The following COG3 variants were observed in gnomAD, a reference collection of about 807,000 sequenced individuals.
COG3 encodes conserved oligomeric Golgi complex subunit 3.
In COG3, 32 loss-of-function variants were observed where a neutral mutation model predicts 114.1. The ratio of observed to expected loss-of-function variants is 0.28; its 90% CI spans 0.21 to 0.38. The LOEUF is 0.38. COG3 is among the 10% of genes least tolerant of loss of function. COG3 has a pLI of 1.00. For missense variants in COG3, 813 were observed against 973.2 expected, an observed-to-expected ratio of 0.84 and a Z score of 2.19; for synonymous variants, 352 against 365.7, an observed-to-expected ratio of 0.96 and a Z score of 0.43.
chr13:45,533,355 C>G (rs1444332724), intron 22 of COG3, among the ~76,000 whole-genome samples: 1 of 152,066 alleles, frequency 6.6e-6, no homozygotes, highest in African/African-American at 2.4e-5. Flanking sequence ...AGAAAAGGTG[C>G]AAGAATAGTG....
chr13:45,488,174 G>T (rs1485831057), intron 8 of COG3, among the ~76,000 whole-genome samples: 3 of 152,128 alleles, frequency 2.0e-5, no homozygotes, highest in Admixed American at 6.5e-5. Context: ...AACTAAAAAA[G>T]TTGGTCTTGT....
At position 45,527,643 on chromosome 13, in the gene COG3, T is replaced by C. The variant is rs1019255841; in HGVS notation, c.2231-2148T>C. On this transcript the variant is annotated intron_variant, in intron 20 of 22. Coordinates refer to ENST00000349995, the MANE Select transcript of COG3 (RefSeq NM_031431.4). ...AACAAACTCACAGGAGAGTGAGTTA[T>C]AAATTAGGATGCCCATTTGTTAATT... Among the ~76,000 whole-genome samples, 12 of 152,322 alleles carry C rather than the reference T, an allele frequency of 7.9e-5. No individual in the cohort carries two copies. In the South Asian group the frequency reaches 1.7e-3, roughly 21 times the overall value.
chr13:45,498,798 T>TCC (rs1555296638), intron 13 of COG3, among the ~76,000 whole-genome samples: 8 of 148,328 alleles, frequency 5.4e-5, no homozygotes, highest in Admixed American at 4.0e-4. Context: ...TTTTTTTTTT[T>TCC]CAAATTGTTT....
chr13:45,483,528 T>C (rs1432222636), intron 7 of COG3, among the ~76,000 whole-genome samples, 173 bp downstream of exon 7: 1 of 152,250 alleles, frequency 6.6e-6, no homozygotes, highest in Non-Finnish European at 1.5e-5. Context: ...GACTATGTTA[T>C]AAATATCCCT....
At chr13:45,474,251 G>C (rs1027785430) in intron 1 of COG3, among the ~76,000 whole-genome samples, 3 of 141,350 alleles carry the variant, frequency 2.1e-5, no homozygotes, top group African/African-American at 5.5e-5. Flanking sequence ...TTCACTTCCC[G>C]GGTTCATGCC....
chr13:45,495,035 G>A (rs1411560037), intron 12 of COG3, among the ~76,000 whole-genome samples: 1 of 150,830 alleles, frequency 6.6e-6, no homozygotes, highest in African/African-American at 2.4e-5. Flanking sequence ...TAGTAGAGAT[G>A]GGGTTTCACC....
Position 45,474,332 on chromosome 13 carries a change from T to G in COG3, c.175-1869T>G, listed in dbSNP as rs150614189. The stretch of plus-strand genomic sequence containing the variant: ...GCCACCATGCCCGGCTAATTTTTTT[T>G]TGTGTGTTTTTAGTTGAGACGGGGT... On this transcript the variant is annotated intron_variant, in intron 1 of 22. Transcript: ENST00000349995. 6.4e-3 allele frequency among the ~76,000 whole-genome samples: 970 copies of G among 151,928 alleles called. 6 individuals are homozygous for G. The highest frequency in any genetic ancestry group is 0.018 in the African/African-American group (747 of 41,432).
chr13:45,469,330 T>A (rs762829852), intron 1 of COG3, among the ~76,000 whole-genome samples: 20 of 152,354 alleles, frequency 1.3e-4, no homozygotes, highest in Non-Finnish European at 2.5e-4. Flanking sequence ...TAAACTTTTT[T>A]TGGTTCAAGA....
Position 45,511,759 on chromosome 13 carries a change from C to A in COG3, c.1720-6C>A. 1.2e-6 allele frequency: 2 copies of A among 1,608,780 alleles called. No individual in the cohort carries two copies. Among genetic ancestry groups the A allele is most frequent in the Non-Finnish European group, 1.7e-6 (2 of 1,175,538 alleles). The stretch of plus-strand genomic sequence containing the variant: ...ACAGGCTGATTATTCTCTTTTATTC[C>A]ACCAGAGGGCAGTGTTCCAAGGATT... On this transcript the variant is annotated splice_region_variant and splice_polypyrimidine_tract_variant and intron_variant, in intron 15 of 22. Coordinates refer to ENST00000349995, the MANE Select transcript of COG3 (RefSeq NM_031431.4).
chr13:45,476,388 A>C (rs764949629), intron 2 of COG3, 41 bp downstream of exon 2: 3 of 1,584,352 alleles, frequency 1.9e-6, no homozygotes, highest in Non-Finnish European at 2.6e-6. Context: ...TGATTATTTC[A>C]GATGTCTGAA....
chr13:45,530,581 C>T lies in COG3; in HGVS notation c.2359-101C>T, dbSNP rs572582313. ...TTTGGTAATATCATGAAAGATACAT[C>T]GCTTCCACTCGCTTTGGCAAATATC... On this transcript the variant is annotated intron_variant, in intron 21 of 22. Coordinates refer to ENST00000349995, the MANE Select transcript of COG3 (RefSeq NM_031431.4). The T allele has an allele frequency of 2.3e-4, 166 of 734,496 alleles. 1 individual carries two copies. Among genetic ancestry groups the T allele is most frequent in the African/African-American group, 2.1e-3 (120 of 57,710 alleles). The allele number at this position is 734,496 out of a possible 1,614,324, so 45.5% of individuals were successfully genotyped here.
At chr13:45,515,441 T>TA (rs1287957485) in intron 16 of COG3, among the ~76,000 whole-genome samples, 1 of 152,210 alleles carries the variant, frequency 6.6e-6, no homozygotes, top group Non-Finnish European at 1.5e-5. Context: ...AAGGAGCAAA[T>TA]ACAGCCTTGC....
intron 14 of COG3, among the ~76,000 whole-genome samples, chr13:45,504,255 C>T (rs1347487641): frequency 6.6e-6 from 1 of 152,200 alleles, no homozygotes; most frequent in Non-Finnish European, 1.5e-5. Context: ...TCCAGACTGT[C>T]AAGCAGCTGG....
At chr13:45,508,386 T>TTATATATATA (rs10571584) in intron 14 of COG3, among the ~76,000 whole-genome samples, 1 of 109,690 alleles carries the variant, frequency 9.1e-6, no homozygotes, top group African/African-American at 3.0e-5. Flanking sequence ...ATATATATTT[T>TTATATATATA]TATATATATA....
chr13:45,476,454 C>T, intron 2 of COG3, 107 bp downstream of exon 2: 2 of 1,122,724 alleles, frequency 1.8e-6, no homozygotes, highest in Non-Finnish European at 2.6e-6. Context: ...CCATAATTAA[C>T]ATTAAGTCTT....
chr13:45,526,324 G>A (rs553087241), intron 20 of COG3, among the ~76,000 whole-genome samples: 18 of 151,784 alleles, frequency 1.2e-4, no homozygotes, highest in East Asian at 5.8e-4. Flanking sequence ...GACCTCAGGC[G>A]ATCCGCCCAC....
intron 7 of COG3, among the ~76,000 whole-genome samples, chr13:45,484,226 A>G (rs937738224): frequency 1.3e-5 from 2 of 152,036 alleles, no homozygotes; most frequent in Non-Finnish European, 2.9e-5. Flanking sequence ...ATACCAACTA[A>G]CCTATATTTT....
At chr13:45,467,862 C>T (rs987024568) in intron 1 of COG3, among the ~76,000 whole-genome samples, 1 of 152,134 alleles carries the variant, frequency 6.6e-6, no homozygotes, top group Non-Finnish European at 1.5e-5. Flanking sequence ...AGATAAATTA[C>T]TTCCTGAACA....
intron 19 of COG3, among the ~76,000 whole-genome samples, chr13:45,524,382 AT>A (rs1872484191): frequency 6.6e-6 from 1 of 152,158 alleles, no homozygotes; most frequent in Non-Finnish European, 1.5e-5. Context: ...CCACTTCTCT[AT>A]ACTGCTGCTA....
Sources: allele counts gnomAD v4.1 joint callset (sites outside exome capture counted in the v4.1 genomes callset), GRCh38; gene constraint gnomAD v4.1.1; transcripts MANE v1.5; gene names NCBI Gene and HGNC (gene_info 2026-07-23, HGNC 2026-07-21).